Variants in ADAM11 observed in about 807,000 individuals in gnomAD.
The protein encoded by ADAM11 is disintegrin and metalloproteinase domain-containing protein 11.
Under a neutral mutation model 119.1 loss-of-function variants are expected in ADAM11, and 49 were observed. The ratio of observed to expected loss-of-function variants is 0.41; its 90% CI spans 0.33 to 0.52. The LOEUF is 0.52. ADAM11 is among the 20% of genes least tolerant of loss of function. The probability of loss-of-function intolerance (pLI) is 0.20; values close to 1 mark genes in which losing one functional copy is unlikely to be tolerated. For synonymous variants in ADAM11, 364 were observed against 408.0 expected, an observed-to-expected ratio of 0.89 and a Z score of 1.30; for missense variants, 777 against 1,047.5, an observed-to-expected ratio of 0.74 and a Z score of 3.56.
intron 2 of ADAM11, among the ~76,000 whole-genome samples, chr17:44,760,688 TA>T (rs1041347936): frequency 2.6e-5 from 4 of 151,808 alleles, no homozygotes; most frequent in Admixed American, 6.6e-5. Flanking sequence ...ACAGGAGGTA[TA>T]GGGGGGAGAC....
chr17:44,779,376 A>G, intron 26 of ADAM11, 137 bp downstream of exon 26: 1 of 1,458,952 alleles, frequency 6.9e-7, no homozygotes. Flanking sequence ...CCCTGCTGCC[A>G]GGCTGTCCCG....
In ADAM11 at chr17:44,773,151, G is replaced by A; in HGVS notation, c.825+66G>A. 6.3e-7 allele frequency: 1 copy of A among 1,595,980 alleles called. No individual in the cohort carries two copies. Among genetic ancestry groups the A allele is most frequent in the Non-Finnish European group, 8.6e-7 (1 of 1,165,198 alleles). ...CCCCCACCCCACCACACACATTAGGGGGCACTGTCAGCCCCTGGCTCCCAC... is the reference window on the plus strand; with the variant it reads ...CCCCCACCCCACCACACACATTAGGAGGCACTGTCAGCCCCTGGCTCCCAC... On this transcript the variant is annotated intron_variant, in intron 10 of 26. Transcript: ENST00000200557. The surrounding 1 kb of genome is among the most constrained non-coding windows in gnomAD (Gnocchi z 4.6).
At chr17:44,769,854 G>A in intron 3 of ADAM11, 60 bp downstream of exon 3, 1 of 1,604,106 alleles carries the variant, frequency 6.2e-7, no homozygotes, top group Non-Finnish European at 8.5e-7. Flanking sequence ...GACATGGCTA[G>A]GGCCTGGCTG....
Position 44,771,679 on chromosome 17 carries a change from G to C in ADAM11, c.467+10G>C, listed in dbSNP as rs1218429292. 1 of 1,612,394 alleles carries C rather than the reference G, an allele frequency of 6.2e-7. No homozygotes were observed. The highest frequency in any genetic ancestry group is 8.5e-7 in the Non-Finnish European group (1 of 1,179,434). On this transcript the variant is annotated intron_variant, in intron 5 of 26. Transcript: ENST00000200557. ...CCTGCCAGGGGCTGCAGTGAGTATG[G>C]GGAGGGGCCGGGCAGCTGGGAGAAG...
In ADAM11 at chr17:44,776,046, G is replaced by T. The variant is rs544113967; in HGVS notation, c.1486-81G>T. 5.4e-5 allele frequency: 82 copies of T among 1,517,370 alleles called. No homozygotes were observed. Among genetic ancestry groups the T allele is most frequent in the Non-Finnish European group, 7.1e-5 (78 of 1,099,394 alleles). The allele number at this position is 1,517,370 out of a possible 1,614,324, so 94.0% of individuals were successfully genotyped here. On this transcript the variant is annotated intron_variant, in intron 17 of 26. Coordinates refer to ENST00000200557, the MANE Select transcript of ADAM11 (RefSeq NM_002390.6). The surrounding 1 kb of genome is among the most constrained non-coding windows in gnomAD (Gnocchi z 5.2). Reference sequence around the variant, plus strand: ...GAGCTGGAGGGCCCGGGGATGTGGGGGTCCAGAGAGCGAGGGGCCTGGGGA... The same window carrying T: ...GAGCTGGAGGGCCCGGGGATGTGGGTGTCCAGAGAGCGAGGGGCCTGGGGA...
At position 44,775,460 on chromosome 17, in the gene ADAM11, G is replaced by T; in HGVS notation, c.1387G>T (p.Val463Leu). The change falls in exon 16 of 27, where the codon GTG becomes TTG. Residue 463 changes from valine (V) to leucine (L), a missense_variant. By Grantham distance (32) the Val-to-Leu change is conservative. Transcript: ENST00000200557. This position sits in a 1 kb window ranked among gnomAD's most constrained non-coding sequence, Gnocchi z 7.5. ...EAGEECDCGS[V>L]QECSRAGGNC... is the part of the protein sequence containing the mutation. ...AGGGGAGGAGTGCGACTGCGGCTCG[G>T]TGCAGGTGAGCGGTGGTGCGGGCGC... The T allele has an allele frequency of 6.2e-7, 1 of 1,607,074 alleles. No individual in the cohort carries two copies.
At chr17:44,768,238 T>C (rs777226717) in intron 2 of ADAM11, among the ~76,000 whole-genome samples, 5 of 152,114 alleles carry the variant, frequency 3.3e-5, no homozygotes, top group Non-Finnish European at 5.9e-5. Flanking sequence ...GGGAAGAGGA[T>C]GTGGCGACTC....
intron 2 of ADAM11, among the ~76,000 whole-genome samples, chr17:44,761,916 G>A (rs547979788): frequency 5.3e-5 from 8 of 152,082 alleles, no homozygotes; most frequent in Non-Finnish European, 1.0e-4. Context: ...TCCACCTCCC[G>A]GGTTCAAGCA....
intron 2 of ADAM11, among the ~76,000 whole-genome samples, chr17:44,760,629 G>C (rs2049378043): frequency 6.6e-6 from 1 of 152,228 alleles, no homozygotes; most frequent in Non-Finnish European, 1.5e-5. Flanking sequence ...AAGTGAGCCA[G>C]GCCAACAGGG....
chr17:44,759,923 A>AT, intron 2 of ADAM11, 26 bp downstream of exon 2: 1 of 1,266,014 alleles, frequency 7.9e-7, no homozygotes, highest in Non-Finnish European at 1.0e-6. Flanking sequence ...TGGTGAGGCC[A>AT]GGGGCTGAAG....
rs188421925 is a variant in ADAM11, at chr17:44,773,237, C to T, written c.826-24C>T. ...TGGCCCCAACACCCACTCCCACCCT[C>T]CAGCCCCCTCATCTTCTCCCCAGAT... On this transcript the variant is annotated intron_variant, in intron 10 of 26. Transcript: ENST00000200557. This position sits in a 1 kb window ranked among gnomAD's most constrained non-coding sequence, Gnocchi z 4.6. The T allele has an allele frequency of 6.2e-7, 1 of 1,611,456 alleles. No homozygotes were observed. The highest frequency in any genetic ancestry group is 2.2e-5 in the East Asian group (1 of 44,798).
chr17:44,770,488 T>TCACCCCCCCCC lies in ADAM11; in HGVS notation c.381+441_381+442insACCCCCCCCCC, dbSNP rs1158996609. ...AATGAGTGTCTATAAATAGCCTGTC[T>TCACCCCCCCCC]CCCCCCCCCCCGCCCCCACTGCCTG... On this transcript the variant is annotated intron_variant, in intron 4 of 26. Coordinates refer to ENST00000200557, the MANE Select transcript of ADAM11 (RefSeq NM_002390.6). 4.1e-4 allele frequency among the ~76,000 whole-genome samples: 25 copies of TCACCCCCCCCC among 60,282 alleles called. 2 individuals are homozygous for TCACCCCCCCCC. The highest frequency in any genetic ancestry group is 1.3e-3 in the African/African-American group (25 of 18,840). The allele number at this position is 60,282 out of a possible 152,430, so 39.5% of individuals were successfully genotyped here.
At chr17:44,759,968 C>T (rs1387360080) in intron 2 of ADAM11, 71 bp downstream of exon 2, 1 of 1,237,880 alleles carries the variant, frequency 8.1e-7, no homozygotes, top group Non-Finnish European at 1.0e-6. Context: ...CACGGGGTAA[C>T]CAGGGTTGGA....
At position 44,773,505 on chromosome 17, in the gene ADAM11, T is replaced by C. The variant is rs2049556509; in HGVS notation, c.992+78T>C. ...TTGGGATTACTTAACACCTGCCCTG[T>C]GCTGGCTGCTCCTCTCAGAGTCTGG... is the stretch of plus-strand genomic sequence containing the variant. On this transcript the variant is annotated intron_variant, in intron 11 of 26. Transcript: ENST00000200557. The surrounding 1 kb of genome is among the most constrained non-coding windows in gnomAD (Gnocchi z 4.6). 1.3e-6 allele frequency: 2 copies of C among 1,516,940 alleles called. No homozygotes were observed. The highest frequency in any genetic ancestry group is 1.8e-6 in the Non-Finnish European group (2 of 1,125,750). The allele number at this position is 1,516,940 out of a possible 1,614,324, so 94.0% of individuals were successfully genotyped here.
At chr17:44,762,104 G>A (rs937586766) in intron 2 of ADAM11, among the ~76,000 whole-genome samples, 4 of 152,196 alleles carry the variant, frequency 2.6e-5, no homozygotes, top group Non-Finnish European at 5.9e-5. Flanking sequence ...GATTACAAGC[G>A]TGAGCCACTG....
Position 44,773,303 on chromosome 17 carries a change from A to G in ADAM11, c.868A>G (p.Met290Val), listed in dbSNP as rs774195645. ...CAACACTCGCATCGTCCTGGTTGCC[A>G]TGGAAACATGGGCAGATGGGGACAA... is the stretch of plus-strand genomic sequence containing the variant. ...QLNTRIVLVA[M>V]ETWADGDKIQ... The change falls in exon 11 of 27, where the codon ATG becomes GTG. Residue 290 changes from methionine to valine, a missense_variant. This residue lies in a region of ADAM11 where 147 missense variants were observed against 223.3 expected (regional missense o/e 0.66). Transcript: ENST00000200557. The surrounding 1 kb of genome is among the most constrained non-coding windows in gnomAD (Gnocchi z 4.6). 3 of 1,613,490 alleles carry G rather than the reference A, an allele frequency of 1.9e-6. No homozygotes were observed. The highest frequency in any genetic ancestry group is 2.5e-6 in the Non-Finnish European group (3 of 1,179,866).
chr17:44,762,572 C>G (rs2049401994), intron 2 of ADAM11, among the ~76,000 whole-genome samples: 1 of 152,130 alleles, frequency 6.6e-6, no homozygotes, highest in Admixed American at 6.6e-5. Flanking sequence ...CGGTGTGGAG[C>G]TGGCAGCAAG....
Position 44,779,723 on chromosome 17 carries a change from C to T in ADAM11, c.2295-16C>T. 6.3e-7 allele frequency: 1 copy of T among 1,593,838 alleles called. No individual in the cohort carries two copies. The highest frequency in any genetic ancestry group is 1.4e-5 in the African/African-American group (1 of 73,690). On this transcript the variant is annotated splice_polypyrimidine_tract_variant and intron_variant, in intron 26 of 26. Transcript: ENST00000200557. Reference sequence around the variant, plus strand: ...CCCTGCTCACGTCCTCCCCTGATGCCCCCTCTCCGTTCCAGGTCCGGAGGG... The same window carrying T: ...CCCTGCTCACGTCCTCCCCTGATGCTCCCTCTCCGTTCCAGGTCCGGAGGG...
intron 2 of ADAM11, among the ~76,000 whole-genome samples, chr17:44,769,069 C>A (rs1165929538): frequency 1.3e-5 from 2 of 152,224 alleles, no homozygotes; most frequent in African/African-American, 4.8e-5. Context: ...TAAAAATTAA[C>A]CATGGGATTG....
Sources: gnomAD v4.1 joint callset for allele counts (sites outside exome capture counted in the v4.1 genomes callset) on GRCh38, gnomAD v4.1.1 for gene constraint, gnomAD v4.1.1 regional missense constraint, Gnocchi (gnomAD v3.1) non-coding constraint, MANE v1.5 for transcripts, NCBI Gene and HGNC (gene_info 2026-07-23, HGNC 2026-07-21) for gene names.